KCND3: variants seen among roughly 807,000 people sequenced by gnomAD.
KCND3 encodes A-type voltage-gated potassium channel KCND3.
Under a neutral mutation model 51.1 loss-of-function variants are expected in KCND3, and 9 were observed. The ratio of observed to expected loss-of-function variants is 0.18; its 90% CI spans 0.11 to 0.31. The LOEUF is 0.31. Ranked by LOEUF, KCND3 falls within the 10% of genes least tolerant of loss-of-function variation. KCND3 has a pLI of 1.00. For missense variants in KCND3, 526 were observed against 903.8 expected, an observed-to-expected ratio of 0.58 and a Z score of 5.36; for synonymous variants, 349 against 368.0, an observed-to-expected ratio of 0.95 and a Z score of 0.59.
At chr1:111,869,614 A>G (rs901538380) in intron 2 of KCND3, among the ~76,000 whole-genome samples, 17 of 152,218 alleles carry the variant, frequency 1.1e-4, no homozygotes, top group African/African-American at 4.1e-4. Flanking sequence ...AACACAGAGA[A>G]CATGCACTAT....
At position 111,960,042 on chromosome 1, in the gene KCND3, GAA is replaced by G. The variant is rs67327865; in HGVS notation, c.1106+21577_1106+21578del. On this transcript the variant is annotated intron_variant, in intron 2 of 7. Transcript: ENST00000302127. Reference sequence around the variant, plus strand: ...TCTCCTGCCGCCATGTGGAAAAAAAGAAAAAAAAAAAAGCGTTTGCTTCCCCT... The same window carrying G: ...TCTCCTGCCGCCATGTGGAAAAAAAGAAAAAAAAAAGCGTTTGCTTCCCCT... Among the ~76,000 whole-genome samples the G allele has an allele frequency of 3.3e-4, 47 of 142,420 alleles. No homozygotes were observed. In the East Asian group the frequency reaches 5.7e-3, roughly 17 times the overall value. 93.4% of individuals were successfully genotyped at this position (142,420 alleles called of 152,430 possible). A position where few individuals can be genotyped will look rare whatever the true frequency, so the allele number is the denominator to read the frequency against.
At chr1:111,873,321 C>A (rs754400211) in intron 2 of KCND3, among the ~76,000 whole-genome samples, 2 of 152,186 alleles carry the variant, frequency 1.3e-5, no homozygotes, top group Non-Finnish European at 1.5e-5. Context: ...CCAGGACAAA[C>A]GTGGCACCAG....
chr1:111,776,768 G>GTA (rs1181597060), intron 7 of KCND3, among the ~76,000 whole-genome samples: 3 of 151,650 alleles, frequency 2.0e-5, no homozygotes, highest in Non-Finnish European at 2.9e-5. Context: ...TATTTTATAT[G>GTA]TATATATATA....
intron 2 of KCND3, among the ~76,000 whole-genome samples, chr1:111,852,817 G>A (rs188515315): frequency 1.1e-4 from 16 of 152,240 alleles, no homozygotes; most frequent in Non-Finnish European, 2.1e-4. Context: ...TCATTCATCC[G>A]CTCTCAGGCA....
chr1:111,805,873 A>G (rs1209996145), intron 2 of KCND3, among the ~76,000 whole-genome samples: 1 of 152,210 alleles, frequency 6.6e-6, no homozygotes, highest in Non-Finnish European at 1.5e-5. Flanking sequence ...GAGGTCTGGG[A>G]CCAAGGTATC....
At chr1:111,856,370 C>T (rs1668062115) in intron 2 of KCND3, among the ~76,000 whole-genome samples, 1 of 152,226 alleles carries the variant, frequency 6.6e-6, no homozygotes. Context: ...TTGCTAATTC[C>T]ACACAGGGCG....
chr1:111,824,166 A>G (rs1243367423), intron 2 of KCND3, among the ~76,000 whole-genome samples: 1 of 151,936 alleles, frequency 6.6e-6, no homozygotes, highest in Non-Finnish European at 1.5e-5. Flanking sequence ...AAGACAGCAA[A>G]GAACAAGATA....
intron 2 of KCND3, among the ~76,000 whole-genome samples, chr1:111,942,292 T>A (rs2101888467): frequency 6.6e-6 from 1 of 152,328 alleles, no homozygotes; most frequent in Admixed American, 6.5e-5. Context: ...CAATCCCCCG[T>A]CCCTGTGGGG....
intron 2 of KCND3, among the ~76,000 whole-genome samples, chr1:111,809,814 A>G (rs905087162): frequency 8.5e-5 from 13 of 152,196 alleles, no homozygotes; most frequent in African/African-American, 2.9e-4. Flanking sequence ...AATGACCAAG[A>G]CAGGGTCCCC....
intron 2 of KCND3, chr1:111,910,772 C>T (rs1670903874): frequency 6.6e-6 from 1 of 152,174 alleles, no homozygotes; most frequent in Non-Finnish European, 1.5e-5. Flanking sequence ...AACAAGAACC[C>T]ATTTCTCCTG....
intron 2 of KCND3, among the ~76,000 whole-genome samples, chr1:111,862,635 C>T (rs551292891): frequency 6.6e-6 from 1 of 152,296 alleles, no homozygotes; most frequent in Admixed American, 6.5e-5. Flanking sequence ...GGCTCTGATG[C>T]AATATTGTTT....
intron 2 of KCND3, among the ~76,000 whole-genome samples, chr1:111,969,912 C>A (rs759505850): frequency 1.3e-5 from 2 of 152,200 alleles, no homozygotes; most frequent in African/African-American, 2.4e-5. Context: ...CCTGCTGTGA[C>A]CCCTTGGCTC....
intron 2 of KCND3, among the ~76,000 whole-genome samples, chr1:111,906,581 C>T (rs1286646574): frequency 6.6e-6 from 1 of 152,144 alleles, no homozygotes; most frequent in African/African-American, 2.4e-5. Flanking sequence ...AAATAAGCAA[C>T]TTGATTTTTA....
intron 2 of KCND3, among the ~76,000 whole-genome samples, chr1:111,787,862 G>A (rs2101497957): frequency 6.6e-6 from 1 of 152,344 alleles, no homozygotes; most frequent in East Asian, 1.9e-4. Flanking sequence ...TTGTACAGAT[G>A]CAGGAACTGA....
intron 2 of KCND3, among the ~76,000 whole-genome samples, chr1:111,914,185 G>C (rs1382974328): frequency 6.6e-6 from 1 of 150,682 alleles, no homozygotes; most frequent in East Asian, 1.9e-4. Flanking sequence ...TATAATAAAT[G>C]AGATTAACAG....
At chr1:111,890,747 T>G (rs1317675218) in intron 2 of KCND3, among the ~76,000 whole-genome samples, 3 of 152,044 alleles carry the variant, frequency 2.0e-5, no homozygotes, top group Non-Finnish European at 4.4e-5. Context: ...TGATAAATAG[T>G]GAACAGCAAG....
At chr1:111,777,402 C>G in intron 6 of KCND3, 129 bp from the exon 7 acceptor site, 1 of 964,512 alleles carries the variant, frequency 1.0e-6, no homozygotes, top group Non-Finnish European at 1.6e-6. Flanking sequence ...GCCCGGATCA[C>G]AGATAAGCAT....
At chr1:111,959,200 C>T (rs766478584) in intron 2 of KCND3, among the ~76,000 whole-genome samples, 3 of 152,172 alleles carry the variant, frequency 2.0e-5, no homozygotes, top group Non-Finnish European at 4.4e-5. Context: ...TGGTGGACAG[C>T]CTGGCCCATG....
intron 2 of KCND3, among the ~76,000 whole-genome samples, chr1:111,947,333 T>C (rs780323253): frequency 1.2e-4 from 18 of 152,208 alleles, no homozygotes; most frequent in Non-Finnish European, 2.1e-4. Context: ...GATATAACAG[T>C]GAGTAAAACA....
Sources: allele counts gnomAD v4.1 joint callset (sites outside exome capture counted in the v4.1 genomes callset), GRCh38; gene constraint gnomAD v4.1.1; transcripts MANE v1.5; gene names NCBI Gene and HGNC (gene_info 2026-07-23, HGNC 2026-07-21).